Variants in MYH13 observed in about 807,000 individuals in gnomAD.
MYH13 encodes the protein myosin-13.
MYH13 carries 177 observed loss-of-function variants against 232.1 expected under a neutral mutation model. The observed-to-expected ratio is 0.76, with a 90% CI of 0.67 to 0.86. MYH13 has a LOEUF of 0.86. Ranked by LOEUF, MYH13 falls within the 40% of genes least tolerant of loss-of-function variation. The probability of loss-of-function intolerance (pLI) is 0.00; values close to 1 mark genes in which losing one functional copy is unlikely to be tolerated. For synonymous variants in MYH13, 884 were observed against 923.5 expected (o/e 0.96, Z 0.78); for missense variants, 2,246 against 2,405.9 (o/e 0.93, Z 1.39).
At chr17:10,313,484 C>G (rs1399382726) in intron 29 of MYH13, 130 bp from the exon 30 acceptor site, 2 of 1,365,494 alleles carry the variant, frequency 1.5e-6, no homozygotes, top group Non-Finnish European at 2.0e-6. Context: ...GCCATATCAG[C>G]ATATCACCTG....
intron 29 of MYH13, among the ~76,000 whole-genome samples, chr17:10,314,074 AAG>A (rs554548511): frequency 1.5e-4 from 23 of 152,346 alleles, no homozygotes; most frequent in Admixed American, 1.3e-3. Flanking sequence ...GCCACCATCA[AAG>A]AGAGAGTTCT....
intron 35 of MYH13, 57 bp downstream of exon 35, chr17:10,309,177 A>C: frequency 1.3e-6 from 2 of 1,545,620 alleles, no homozygotes; most frequent in Non-Finnish European, 1.8e-6. Flanking sequence ...TGCACGGTGC[A>C]GGAGGCGCTA....
intron 37 of MYH13, 47 bp from the exon 38 acceptor site, chr17:10,303,545 C>T (rs1008010920): frequency 5.8e-6 from 9 of 1,539,802 alleles, no homozygotes; most frequent in Non-Finnish European, 9.0e-7. Flanking sequence ...CTCTCCCAGG[C>T]TTCTCTCATG....
At chr17:10,310,625 T>C (rs559459820) in intron 33 of MYH13, among the ~76,000 whole-genome samples, 3 of 152,262 alleles carry the variant, frequency 2.0e-5, no homozygotes, top group African/African-American at 7.2e-5. Flanking sequence ...AGTCAACCTA[T>C]TCTCTAAAAT....
Position 10,334,878 on chromosome 17 carries a change from C to CAAAT in MYH13, c.2057-1691_2057-1688dup, listed in dbSNP as rs537407226. On this transcript the variant is annotated intron_variant, in intron 18 of 40. Coordinates refer to ENST00000252172, the MANE Select transcript of MYH13 (RefSeq NM_003802.3). ...TGGGTGACAGAGCAAGACTCAGTCT[C>CAAAT]AAATAAATAAATAAATAAATAAATA... is the stretch of plus-strand genomic sequence containing the variant. 3.6e-3 allele frequency among the ~76,000 whole-genome samples: 547 copies of CAAAT among 151,728 alleles called. 1 individual carries two copies. The highest frequency in any genetic ancestry group is 0.011 in the African/African-American group (457 of 41,350).
intron 32 of MYH13, 22 bp downstream of exon 32, chr17:10,311,889 A>G (rs776516104): frequency 8.7e-6 from 14 of 1,613,566 alleles, no homozygotes; most frequent in Middle Eastern, 1.6e-4. Flanking sequence ...CATAGCACAC[A>G]CCAGTGGTGG....
chr17:10,320,493 C>G lies in MYH13; in HGVS notation c.3115G>C (p.Glu1039Gln). Residue 1039 changes from glutamate to glutamine, a missense_variant, in exon 25 of 41, where the codon GAG becomes CAG. Glu to Gln is a conservative substitution (Grantham distance 29, BLOSUM62 2). Coordinates refer to ENST00000252172, the MANE Select transcript of MYH13 (RefSeq NM_003802.3). Reference protein sequence around the residue: ...AKLEQQTDDLEGSLEQEKKLR... With the variant: ...AKLEQQTDDLQGSLEQEKKLR... The stretch of plus-strand genomic sequence containing the variant: ...TTCTTCTCCTGCTCTAAGGAACCCT[C>G]AAGCTGAGAAGACACACAGGTAGAA... The G allele has an allele frequency of 6.2e-7, 1 of 1,612,250 alleles. No homozygotes were observed. Among genetic ancestry groups the G allele is most frequent in the Non-Finnish European group, 8.5e-7 (1 of 1,179,270 alleles).
chr17:10,341,644 G>T (rs541725200), intron 16 of MYH13, among the ~76,000 whole-genome samples: 3 of 152,136 alleles, frequency 2.0e-5, no homozygotes, highest in Non-Finnish European at 4.4e-5. Flanking sequence ...TGTCCCCGGG[G>T]TCTAGCATGA....
chr17:10,371,575 G>A (rs141152264), intron 1 of MYH13, among the ~76,000 whole-genome samples: 24 of 152,328 alleles, frequency 1.6e-4, no homozygotes, highest in African/African-American at 5.8e-4. Flanking sequence ...GAATGCAAAA[G>A]TTAGTAAGGG....
At chr17:10,363,295 G>A (rs1456635045) in intron 3 of MYH13, among the ~76,000 whole-genome samples, 16 of 108,888 alleles carry the variant, frequency 1.5e-4, no homozygotes, top group Admixed American at 7.2e-4. Flanking sequence ...CAGCCTGGGC[G>A]ACACAGTGAG....
rs753387344 is a variant in MYH13 at position 10,359,959 on chromosome 17, C to T, written c.645+1G>A. 70 of 1,612,198 alleles carry T rather than the reference C, an allele frequency of 4.3e-5. 1 individual carries two copies. The South Asian group carries it at 7.3e-4, about 17-fold the overall frequency. ...CTCCGGATGCAGGTGGGGCTGCTCA[C>T]CTGCATTTTGCCTGGCTGTGTCTCC... On this transcript the variant is annotated splice_donor_variant, in intron 7 of 40. Coordinates refer to ENST00000252172, the MANE Select transcript of MYH13 (RefSeq NM_003802.3). LOFTEE classifies it high-confidence loss of function.
Position 10,325,389 on chromosome 17 carries a change from G to A in MYH13, c.2692-1125C>T, listed in dbSNP as rs187600712. ...AGATAAGGTATCACTATGTTGCCCA[G>A]GCTGGTCTCGAGCTTCTGAGCTCAA... is the stretch of plus-strand genomic sequence containing the variant. On this transcript the variant is annotated intron_variant, in intron 22 of 40. Coordinates refer to ENST00000252172, the MANE Select transcript of MYH13 (RefSeq NM_003802.3). Among the ~76,000 whole-genome samples, 20 of 151,798 alleles carry A rather than the reference G, an allele frequency of 1.3e-4. No individual in the cohort carries two copies. In the East Asian group the frequency reaches 3.9e-3, roughly 30 times the overall value.
chr17:10,336,523 C>A (rs116948687), intron 18 of MYH13, among the ~76,000 whole-genome samples: 2,326 of 152,254 alleles, frequency 0.015, 27 homozygotes, highest in South Asian at 0.024. Flanking sequence ...CTTCCCGGGG[C>A]TAGCCATTCC....
intron 8 of MYH13, among the ~76,000 whole-genome samples, chr17:10,356,239 G>A (rs2071748369): frequency 6.6e-6 from 1 of 152,186 alleles, no homozygotes; most frequent in Admixed American, 6.5e-5. Context: ...TGAAGGATCA[G>A]TAAAGGCACA....
Position 10,312,766 on chromosome 17 carries a change from A to T in MYH13, c.4182-9T>A, listed in dbSNP as rs1327199598. 4 of 1,590,870 alleles carry T rather than the reference A, an allele frequency of 2.5e-6. No individual in the cohort carries two copies. Among genetic ancestry groups the T allele is most frequent in the South Asian group, 1.2e-5 (1 of 85,776 alleles). On this transcript the variant is annotated splice_polypyrimidine_tract_variant and intron_variant, in intron 30 of 40. Coordinates refer to ENST00000252172, the MANE Select transcript of MYH13 (RefSeq NM_003802.3). The stretch of plus-strand genomic sequence containing the variant: ...TCTGGGCCAGTTTTTTCCTACGAAA[A>T]CCAGATTTTTTTTTTCCCCTTCGCA...
At chr17:10,311,425 A>G (rs1213566905) in intron 32 of MYH13, among the ~76,000 whole-genome samples, 198 bp from the exon 33 acceptor site, 1 of 152,336 alleles carries the variant, frequency 6.6e-6, no homozygotes, top group East Asian at 1.9e-4. Flanking sequence ...AACCACAAGT[A>G]AAGAATAGAA....
At chr17:10,303,100 G>T in intron 39 of MYH13, 96 bp downstream of exon 39, 1 of 1,016,148 alleles carries the variant, frequency 9.8e-7, no homozygotes, top group Non-Finnish European at 1.5e-6. Flanking sequence ...TCAGGCCTGA[G>T]GCTCAGGGGA....
chr17:10,307,092 G>A (rs1203024301), intron 35 of MYH13, 28 bp from the exon 36 acceptor site: 1 of 1,611,970 alleles, frequency 6.2e-7, no homozygotes, highest in African/African-American at 1.3e-5. Flanking sequence ...TATCAGGGGT[G>A]TGGGTTCTAT....
intron 29 of MYH13, 101 bp from the exon 30 acceptor site, chr17:10,313,455 T>C (rs1000143635): frequency 6.4e-7 from 1 of 1,551,924 alleles, no homozygotes; most frequent in African/African-American, 1.4e-5. Flanking sequence ...ATTATCCCTA[T>C]GCTGTCTTCA....
Sources: allele counts gnomAD v4.1 joint callset (sites outside exome capture counted in the v4.1 genomes callset), GRCh38; gene constraint gnomAD v4.1.1; transcripts MANE v1.5; gene names NCBI Gene and HGNC (gene_info 2026-07-23, HGNC 2026-07-21).